The following CACNB2 variants were observed in gnomAD, a reference collection of about 807,000 sequenced individuals.
CACNB2 encodes the protein calcium voltage-gated channel auxiliary subunit beta 2.
Under a neutral mutation model 73.3 loss-of-function variants are expected in CACNB2, and 42 were observed. The ratio of observed to expected loss-of-function variants is 0.57; its 90% confidence interval spans 0.45 to 0.74. The LOEUF (loss-of-function observed/expected upper bound fraction) is 0.74, where lower values mean the gene tolerates loss of function less well. Ranked by LOEUF, CACNB2 falls within the 30% of genes least tolerant of loss-of-function variation. CACNB2 has a pLI of 0.00. For missense variants in CACNB2, 940 were observed against 853.0 expected (o/e 1.10, Z -1.27); for synonymous variants, 348 against 310.3 (o/e 1.12, Z -1.28).
intron 3 of CACNB2, among the ~76,000 whole-genome samples, chr10:18,492,148 C>T (rs1363434247): frequency 6.6e-6 from 1 of 151,952 alleles, no homozygotes; most frequent in African/African-American, 2.4e-5. Context: ...GTTTAGACAA[C>T]CAGATCTTAT....
intron 2 of CACNB2, among the ~76,000 whole-genome samples, chr10:18,313,616 C>G (rs1231827656): frequency 6.6e-6 from 1 of 151,970 alleles, no homozygotes; most frequent in Non-Finnish European, 1.5e-5. Context: ...AGCTCGGGGT[C>G]TAAAGAGGAG....
At chr10:18,239,026 A>G (rs1052883775) in intron 2 of CACNB2, among the ~76,000 whole-genome samples, 4 of 152,160 alleles carry the variant, frequency 2.6e-5, no homozygotes, top group Non-Finnish European at 4.4e-5. Context: ...TTTCAGGAAG[A>G]TTTGAATCTT....
At chr10:18,204,740 G>A (rs2035020502) in intron 2 of CACNB2, among the ~76,000 whole-genome samples, 1 of 152,150 alleles carries the variant, frequency 6.6e-6, no homozygotes, top group Non-Finnish European at 1.5e-5. Flanking sequence ...TATACATTCA[G>A]AACTTGGTGA....
chr10:18,194,291 C>T (rs1208956637), intron 2 of CACNB2, among the ~76,000 whole-genome samples: 1 of 152,124 alleles, frequency 6.6e-6, no homozygotes, highest in Admixed American at 6.5e-5. Flanking sequence ...AAAATTAGGC[C>T]CCTAGGGCTG....
intron 3 of CACNB2, among the ~76,000 whole-genome samples, chr10:18,464,484 T>G (rs2047767037): frequency 1.3e-5 from 2 of 151,246 alleles, no homozygotes; most frequent in South Asian, 2.1e-4. Flanking sequence ...TAGATTCAAT[T>G]TTTATTTCCA....
At chr10:18,449,652 C>T (rs919371480) in intron 3 of CACNB2, among the ~76,000 whole-genome samples, 13 of 152,220 alleles carry the variant, frequency 8.5e-5, no homozygotes, top group African/African-American at 3.1e-4. Context: ...GCTAAGTTCA[C>T]AACTACTGAA....
At chr10:18,518,811 G>T (rs1184603327) in intron 8 of CACNB2, 99 bp from the exon 9 acceptor site, 3 of 1,102,630 alleles carry the variant, frequency 2.7e-6, no homozygotes, top group East Asian at 2.4e-5. Flanking sequence ...CAGATGCAAA[G>T]CTCAGGTTTT....
chr10:18,434,864 G>A (rs996008981), intron 3 of CACNB2, among the ~76,000 whole-genome samples: 1 of 152,214 alleles, frequency 6.6e-6, no homozygotes. Context: ...GGTCGTGTAA[G>A]TATTTGAAAA....
chr10:18,356,947 T>TTTTTTTTC lies in CACNB2; in HGVS notation c.214-44970_214-44969insCTTTTTTT, dbSNP rs2041940672. Among the ~76,000 whole-genome samples, 4 of 90,268 alleles carry TTTTTTTTC rather than the reference T, an allele frequency of 4.4e-5. 1 individual carries two copies. The highest frequency in any genetic ancestry group is 1.4e-4 in the African/African-American group (4 of 28,468). The allele number at this position is 90,268 out of a possible 152,430, so 59.2% of individuals were successfully genotyped here. On this transcript the variant is annotated intron_variant, in intron 2 of 13. Transcript: ENST00000324631. ...GCCTGGCCCAGACTCAATTTCTTTT[T>TTTTTTTTC]TTTTTTTTTTTTTTTGAGACGGAGT...
In CACNB2 at chr10:18,436,973, G is replaced by A. The variant is rs965976752; in HGVS notation, c.333+34930G>A. On this transcript the variant is annotated intron_variant, in intron 3 of 13. Transcript: ENST00000324631. ...CCATTACTTTATTTTGAACAACAAT[G>A]TGCTGCTTGCTGGAGATACATGGGC... Among the ~76,000 whole-genome samples the A allele has an allele frequency of 3.3e-5, 5 of 152,256 alleles. No homozygotes were observed. The East Asian group carries it at 9.6e-4, about 29-fold the overall frequency.
At chr10:18,471,340 A>T (rs1039504757) in intron 3 of CACNB2, among the ~76,000 whole-genome samples, 1 of 152,138 alleles carries the variant, frequency 6.6e-6, no homozygotes, top group African/African-American at 2.4e-5. Context: ...TATTGAACAG[A>T]ATTGAAAAGT....
intron 3 of CACNB2, among the ~76,000 whole-genome samples, chr10:18,486,947 G>C (rs2049092059): frequency 6.6e-6 from 1 of 152,172 alleles, no homozygotes; most frequent in South Asian, 2.1e-4. Context: ...GAAAGAAAAA[G>C]AGAATAGCTC....
intron 2 of CACNB2, among the ~76,000 whole-genome samples, chr10:18,398,129 C>A (rs2043809240): frequency 6.6e-6 from 1 of 152,154 alleles, no homozygotes. Flanking sequence ...CCAGAAAGTC[C>A]ATATGTTTCC....
chr10:18,450,868 C>A (rs1482897296), intron 3 of CACNB2, among the ~76,000 whole-genome samples: 1 of 152,134 alleles, frequency 6.6e-6, no homozygotes, highest in Admixed American at 6.5e-5. Flanking sequence ...AACTCCTGAC[C>A]TCAGGTGATC....
intron 2 of CACNB2, among the ~76,000 whole-genome samples, chr10:18,350,552 A>G (rs2041665448): frequency 6.6e-6 from 1 of 152,178 alleles, no homozygotes; most frequent in African/African-American, 2.4e-5. Flanking sequence ...CCTCAGGAGT[A>G]GCGCTTTAGG....
intron 2 of CACNB2, among the ~76,000 whole-genome samples, chr10:18,300,166 C>T (rs542849605): frequency 5.9e-5 from 9 of 152,184 alleles, no homozygotes; most frequent in Admixed American, 5.2e-4. Flanking sequence ...GGATTATAGG[C>T]GTGCATCACC....
chr10:18,498,553 G>A, intron 4 of CACNB2, 76 bp downstream of exon 4: 1 of 1,486,850 alleles, frequency 6.7e-7, no homozygotes, highest in Non-Finnish European at 9.3e-7. Context: ...CTATTCATAT[G>A]CCGTTTCTGT....
At chr10:18,389,927 T>C (rs2043391655) in intron 2 of CACNB2, among the ~76,000 whole-genome samples, 1 of 152,196 alleles carries the variant, frequency 6.6e-6, no homozygotes, top group Admixed American at 6.5e-5. Context: ...ATATCCTTTA[T>C]TTATATCAAT....
chr10:18,327,868 G>C (rs1046861135), intron 2 of CACNB2, among the ~76,000 whole-genome samples: 1 of 152,136 alleles, frequency 6.6e-6, no homozygotes, highest in African/African-American at 2.4e-5. Flanking sequence ...CTGAGGGTTG[G>C]GGGGTGTCCT....
Sources: gnomAD v4.1 joint callset for allele counts (sites outside exome capture counted in the v4.1 genomes callset) on GRCh38, gnomAD v4.1.1 for gene constraint, MANE v1.5 for transcripts, NCBI Gene and HGNC (gene_info 2026-07-23, HGNC 2026-07-21) for gene names.